The following PDE3A variants were observed in gnomAD, a reference collection of about 807,000 sequenced individuals.
PDE3A encodes the protein cGMP-inhibited 3',5'-cyclic phosphodiesterase 3A.
A neutral mutation model predicts 98.3 loss-of-function variants in PDE3A; 43 were observed. The ratio of observed to expected loss-of-function variants is 0.44; its 90% CI spans 0.34 to 0.56. PDE3A has a LOEUF of 0.56. PDE3A is among the 20% of genes least tolerant of loss of function. The probability of loss-of-function intolerance (pLI) is 0.01; values close to 1 mark genes in which losing one functional copy is unlikely to be tolerated. For synonymous variants in PDE3A, 663 were observed against 567.9 expected, an observed-to-expected ratio of 1.17 and a Z score of -2.38; for missense variants, 1,427 against 1,440.7, an observed-to-expected ratio of 0.99 and a Z score of 0.15.
chr12:20,645,028 A>G (rs1316035680), intron 10 of PDE3A, among the ~76,000 whole-genome samples: 2 of 151,668 alleles, frequency 1.3e-5, no homozygotes, highest in African/African-American at 2.4e-5. Context: ...AGCTGGGATT[A>G]CAGGTGCCCA....
chr12:20,664,906 C>G (rs1225463343), intron 15 of PDE3A, among the ~76,000 whole-genome samples: 1 of 152,190 alleles, frequency 6.6e-6, no homozygotes, highest in Non-Finnish European at 1.5e-5. Flanking sequence ...TACCAACATA[C>G]TCAACTGCTC....
intron 1 of PDE3A, among the ~76,000 whole-genome samples, chr12:20,493,813 A>G (rs1945869947): frequency 6.6e-6 from 1 of 152,162 alleles, no homozygotes; most frequent in African/African-American, 2.4e-5. Context: ...TATTTTTAGT[A>G]GAGACAGGGT....
chr12:20,601,764 G>T, intron 2 of PDE3A, among the ~76,000 whole-genome samples: 2 of 133,594 alleles, frequency 1.5e-5, no homozygotes, highest in African/African-American at 2.6e-5. Context: ...TTCTTTTTTA[G>T]CTTTTTTTTT....
chr12:20,478,836 C>G (rs925019902), intron 1 of PDE3A, among the ~76,000 whole-genome samples: 1 of 152,130 alleles, frequency 6.6e-6, no homozygotes, highest in Non-Finnish European at 1.5e-5. Context: ...CTATAAATCT[C>G]AAATCATTTC....
chr12:20,562,162 T>C (rs921157545), intron 2 of PDE3A, among the ~76,000 whole-genome samples: 8 of 152,156 alleles, frequency 5.3e-5, no homozygotes, highest in African/African-American at 1.9e-4. Flanking sequence ...TTTTTATTTT[T>C]TATTCTTGAA....
intron 1 of PDE3A, among the ~76,000 whole-genome samples, chr12:20,547,486 C>A (rs1036661102): frequency 6.6e-6 from 1 of 152,128 alleles, no homozygotes; most frequent in African/African-American, 2.4e-5. Flanking sequence ...GTGTGGTAAC[C>A]TTTACATCCT....
intron 6 of PDE3A, 106 bp from the exon 7 acceptor site, chr12:20,633,587 A>C (rs1472039608): frequency 7.5e-6 from 4 of 531,314 alleles, no homozygotes; most frequent in Non-Finnish European, 1.3e-5. Flanking sequence ...CAGAAGGTAG[A>C]AATATTTGAC....
At chr12:20,655,934 A>G (rs1359083177) in intron 15 of PDE3A, among the ~76,000 whole-genome samples, 2 of 152,182 alleles carry the variant, frequency 1.3e-5, no homozygotes, top group Non-Finnish European at 2.9e-5. Flanking sequence ...ACATGTGATA[A>G]TTGGCTGGAG....
chr12:20,685,919 T>G lies in PDE3A; in HGVS notation c.*5648T>G, dbSNP rs888032281. Among the ~76,000 whole-genome samples, 3 of 152,192 alleles carry G rather than the reference T, an allele frequency of 2.0e-5. No homozygotes were observed. The highest frequency in any genetic ancestry group is 1.3e-4 in the Admixed American group (2 of 15,268). On this transcript the variant is annotated 3_prime_UTR_variant, in exon 16 of 16. Transcript: ENST00000359062. ...AATAATAAATCACCATAGGTAAGTA[T>G]TCTCAAGAATGTTTAAATTTGGTTT...
rs1945837730 is a variant in PDE3A, at chr12:20,683,047, A to G, written c.*2776A>G. ...TAATAGTGGCCAAAGCAATTAGAAC[A>G]TCTTCATTCCAGAACTGTGTTCAGC... is the stretch of plus-strand genomic sequence containing the variant. On this transcript the variant is annotated 3_prime_UTR_variant, in exon 16 of 16. Transcript: ENST00000359062. 6.6e-6 allele frequency: 1 copy of G among 152,236 alleles called. No homozygotes were observed. The highest frequency in any genetic ancestry group is 2.4e-5 in the African/African-American group (1 of 41,456). 9.4% of individuals were successfully genotyped at this position (152,236 alleles called of 1,614,324 possible). A position where few individuals can be genotyped will look rare whatever the true frequency, so the allele number is the denominator to read the frequency against.
chr12:20,381,457 A>G (rs1015297682), intron 1 of PDE3A, among the ~76,000 whole-genome samples: 1 of 151,840 alleles, frequency 6.6e-6, no homozygotes, highest in African/African-American at 2.4e-5. Flanking sequence ...GCATGTAAAA[A>G]CTAGAACGCT....
chr12:20,648,965 G>A (rs11045367), intron 13 of PDE3A, 74 bp downstream of exon 13: 18 of 924,742 alleles, frequency 1.9e-5, no homozygotes, highest in East Asian at 8.0e-5. Flanking sequence ...TTGCTCTGTC[G>A]CCCAGACTGG....
chr12:20,655,894 C>T (rs1033917070), intron 15 of PDE3A, among the ~76,000 whole-genome samples: 3 of 152,076 alleles, frequency 2.0e-5, no homozygotes, highest in Non-Finnish European at 4.4e-5. Context: ...TGAACCAGGG[C>T]AGTAGCAACA....
chr12:20,635,592 G>A (rs11045354), intron 8 of PDE3A, among the ~76,000 whole-genome samples: 34,789 of 129,142 alleles, frequency 0.27, 4,608 homozygotes, highest in East Asian at 0.47. Context: ...AAAAAAAAAA[G>A]AAAGAAAGAA....
chr12:20,602,071 C>T (rs751478749), intron 2 of PDE3A, among the ~76,000 whole-genome samples: 2 of 151,486 alleles, frequency 1.3e-5, no homozygotes, highest in Non-Finnish European at 3.0e-5. Context: ...GTGCTCACAT[C>T]CAGTTAAGTT....
chr12:20,645,462 T>C (rs1175979521), intron 10 of PDE3A, among the ~76,000 whole-genome samples: 1 of 152,022 alleles, frequency 6.6e-6, no homozygotes, highest in Non-Finnish European at 1.5e-5. Flanking sequence ...CTTCTCCTTA[T>C]TTTAAGTATT....
chr12:20,666,022 G>A (rs1376405267), intron 15 of PDE3A, among the ~76,000 whole-genome samples: 2 of 144,662 alleles, frequency 1.4e-5, no homozygotes, highest in African/African-American at 5.2e-5. Flanking sequence ...GGAGGGCAGT[G>A]GCACATTCTC....
intron 2 of PDE3A, among the ~76,000 whole-genome samples, chr12:20,579,877 C>G (rs1943024412): frequency 6.6e-6 from 1 of 151,940 alleles, no homozygotes; most frequent in Non-Finnish European, 1.5e-5. Flanking sequence ...AATTGAAGAG[C>G]CATGTATTAT....
intron 7 of PDE3A, 64 bp downstream of exon 7, chr12:20,633,842 C>T: frequency 2.1e-6 from 2 of 959,904 alleles, no homozygotes; most frequent in South Asian, 3.0e-5. Context: ...TTTTCCTGAT[C>T]AAAACAGTGA....
Sources: allele counts gnomAD v4.1 joint callset (sites outside exome capture counted in the v4.1 genomes callset), GRCh38; gene constraint gnomAD v4.1.1; transcripts MANE v1.5; gene names NCBI Gene and HGNC (gene_info 2026-07-23, HGNC 2026-07-21).